Variants in EXTL3 observed in about 807,000 individuals in gnomAD.
EXTL3 encodes the protein exostosin like glycosyltransferase 3.
EXTL3 carries 27 observed loss-of-function variants against 69.3 expected under a neutral mutation model. The observed-to-expected ratio is 0.39, with a 90% CI of 0.29 to 0.54. The LOEUF (loss-of-function observed/expected upper bound fraction) is 0.54, where lower values mean the gene tolerates loss of function less well. Among genes scored for constraint, EXTL3 ranks in the 20% least tolerant of loss-of-function variants. The probability of loss-of-function intolerance (pLI) is 0.69; values close to 1 mark genes in which losing one functional copy is unlikely to be tolerated. For missense variants in EXTL3, 1,003 were observed against 1,231.8 expected (o/e 0.81, Z 2.78); for synonymous variants, 511 against 499.4 (o/e 1.02, Z -0.31).
chr8:28,609,916 AAAG>A (rs1052796976), intron 2 of EXTL3, among the ~76,000 whole-genome samples: 2 of 150,654 alleles, frequency 1.3e-5, no homozygotes, highest in African/African-American at 4.9e-5. Flanking sequence ...AAAAAAAAAA[AAAG>A]CCAGATGCAG....
intron 4 of EXTL3, among the ~76,000 whole-genome samples, chr8:28,731,812 G>T (rs1399248073): frequency 6.6e-6 from 1 of 152,072 alleles, no homozygotes; most frequent in Non-Finnish European, 1.5e-5. Flanking sequence ...AAAAAGATTT[G>T]GGGGAAGGAG....
chr8:28,698,177 C>G (rs1193931079), upstream of EXTL3: 1 of 152,184 alleles, frequency 6.6e-6, no homozygotes, highest in African/African-American at 2.4e-5. Context: ...GTCTTGGAAA[C>G]TGTTGAATGT....
intron 4 of EXTL3, among the ~76,000 whole-genome samples, chr8:28,733,398 G>C (rs750323556): frequency 6.6e-6 from 1 of 151,680 alleles, no homozygotes. Flanking sequence ...GTGTATGTGT[G>C]TATATATACA....
chr8:28,682,900 G>C (rs932897461), intron 1 of EXTL3, among the ~76,000 whole-genome samples: 1 of 152,142 alleles, frequency 6.6e-6, no homozygotes, highest in Non-Finnish European at 1.5e-5. Context: ...CAGGTTTTGT[G>C]TTTAAGTCTT....
chr8:28,718,614 G>A (rs941533112), intron 3 of EXTL3, among the ~76,000 whole-genome samples: 11 of 152,200 alleles, frequency 7.2e-5, no homozygotes, highest in Admixed American at 5.9e-4. Flanking sequence ...TTATTCGTAT[G>A]GGAGCTGAAG....
Position 28,716,086 on chromosome 8 carries a change from T to A in EXTL3, c.27T>A (p.Asn9Lys), listed in dbSNP as rs769508161. 6.2e-7 allele frequency: 1 copy of A among 1,610,626 alleles called. No individual in the cohort carries two copies. The highest frequency in any genetic ancestry group is 8.5e-7 in the Non-Finnish European group (1 of 1,179,944). The change falls in exon 3 of 7, where the codon AAT (asparagine) becomes AAA (lysine). Residue 9 changes from asparagine to lysine, a missense_variant. By Grantham distance (94) the Asn-to-Lys change is moderately conservative. This residue lies in a region of EXTL3 where 742 missense variants were observed against 815.4 expected (regional missense o/e 0.91). Transcript: ENST00000220562. This position sits in a 1 kb window ranked among gnomAD's most constrained non-coding sequence, Gnocchi z 7.1. ...TGACAGGCTATACCATGCTGCGGAA[T>A]GGGGGCGCGGGGAACGGAGGTCAGA... MTGYTMLR[N>K]GGAGNGGQTC...
Position 28,713,509 on chromosome 8 carries a change from A to T in EXTL3, c.-517A>T. On this transcript the variant is annotated 5_prime_UTR_variant, in exon 2 of 7. An upstream start codon of the reference 5' UTR is lost. Coordinates refer to ENST00000220562, the MANE Select transcript of EXTL3 (RefSeq NM_001440.4). The stretch of plus-strand genomic sequence containing the variant: ...TCAAGAAGTCGTGTGCTGAGGTGTA[A>T]TGCTACACAAGTCAGAGGAAGGAAG... 1.4e-6 allele frequency: 1 copy of T among 702,286 alleles called. No homozygotes were observed. Among genetic ancestry groups the T allele is most frequent in the Non-Finnish European group, 2.6e-6 (1 of 384,932 alleles). The allele number at this position is 702,286 out of a possible 1,614,324, so 43.5% of individuals were successfully genotyped here.
rs1035328996 is a variant in EXTL3 at position 28,716,320 on chromosome 8, G to A, written c.261G>A (p.Glu87=). Residue 87 remains glutamate, a synonymous_variant, in exon 3 of 7, where the codon GAG becomes GAA. Coordinates refer to ENST00000220562, the MANE Select transcript of EXTL3 (RefSeq NM_001440.4). The surrounding 1 kb of genome is among the most constrained non-coding windows in gnomAD (Gnocchi z 7.1). ...KHVLDLCRIR[E]SVSEELLQLE... ...TGCTGGATCTGTGCCGCATCCGGGA[G>A]TCGGTGAGTGAAGAGCTCCTGCAGC... 2.5e-6 allele frequency: 4 copies of A among 1,614,210 alleles called. No individual in the cohort carries two copies. Among genetic ancestry groups the A allele is most frequent in the Non-Finnish European group, 3.4e-6 (4 of 1,180,042 alleles).
chr8:28,749,297 C>T (rs1483217596), intron 6 of EXTL3, among the ~76,000 whole-genome samples: 3 of 151,964 alleles, frequency 2.0e-5, no homozygotes, highest in Non-Finnish European at 4.4e-5. Flanking sequence ...CATAAAAAAG[C>T]AACAAATCAC....
chr8:28,635,293 C>T (rs28525375), intron 1 of EXTL3, among the ~76,000 whole-genome samples: 31,924 of 150,488 alleles, frequency 0.21, 4,017 homozygotes, highest in Non-Finnish European at 0.28. Context: ...AATGGTGGCA[C>T]ACACTTGTAG....
rs565517572 is a variant in EXTL3, at chr8:28,702,360, G to C, written c.-570+701G>C. The stretch of plus-strand genomic sequence containing the variant: ...GCTGGACCGGACAGGGGTGCGCGGG[G>C]CGTGTGTGCGCGGCGGAGCTCCGAG... On this transcript the variant is annotated intron_variant, in intron 1 of 6. Coordinates refer to ENST00000220562, the MANE Select transcript of EXTL3 (RefSeq NM_001440.4). 2.6e-5 allele frequency among the ~76,000 whole-genome samples: 4 copies of C among 152,346 alleles called. No homozygotes were observed. The South Asian group carries it at 8.3e-4, about 32-fold the overall frequency.
chr8:28,739,819 A>G (rs1036704497), intron 5 of EXTL3: 1 of 152,184 alleles, frequency 6.6e-6, no homozygotes, highest in Non-Finnish European at 1.5e-5. Context: ...GGTGTCAGCA[A>G]CTGGCCAAGA....
At chr8:28,655,745 C>T (rs1265644564) in intron 1 of EXTL3, among the ~76,000 whole-genome samples, 2 of 152,150 alleles carry the variant, frequency 1.3e-5, no homozygotes, top group African/African-American at 2.4e-5. Context: ...CCACCAGCCT[C>T]GGCCTCCCAA....
At chr8:28,665,022 A>C (rs1315426120) in intron 1 of EXTL3, among the ~76,000 whole-genome samples, 1 of 56,668 alleles carries the variant, frequency 1.8e-5, no homozygotes, top group Admixed American at 1.6e-4. Flanking sequence ...ACATTTACCT[A>C]TTTTTGTCTG....
chr8:28,627,361 G>A (rs942169854), intron 1 of EXTL3, among the ~76,000 whole-genome samples: 9 of 151,832 alleles, frequency 5.9e-5, no homozygotes, highest in African/African-American at 1.9e-4. Flanking sequence ...ATGGTTGTGC[G>A]TGCATCTGTT....
chr8:28,684,617 C>T (rs1807546977), intron 1 of EXTL3, among the ~76,000 whole-genome samples: 1 of 152,010 alleles, frequency 6.6e-6, no homozygotes, highest in Non-Finnish European at 1.5e-5. Context: ...TGGTACATGG[C>T]TGTAGTCCCA....
intron 6 of EXTL3, among the ~76,000 whole-genome samples, chr8:28,745,306 G>T (rs7001199): frequency 6.6e-6 from 1 of 152,190 alleles, no homozygotes; most frequent in Non-Finnish European, 1.5e-5. Flanking sequence ...TGGCCCCTGC[G>T]TAGGATGTCA....
upstream of EXTL3, among the ~76,000 whole-genome samples, chr8:28,619,544 C>T (rs1475555209): frequency 2.6e-5 from 4 of 152,200 alleles, no homozygotes; most frequent in African/African-American, 9.6e-5. Flanking sequence ...CAGCTCCCCT[C>T]TCCCACTGCT....
intron 1 of EXTL3, among the ~76,000 whole-genome samples, chr8:28,687,247 C>G (rs1483565125): frequency 6.6e-6 from 1 of 152,228 alleles, no homozygotes; most frequent in Non-Finnish European, 1.5e-5. Context: ...GGATGGATCA[C>G]TTGAGGTCAG....
Sources: gnomAD v4.1 joint callset for allele counts (sites outside exome capture counted in the v4.1 genomes callset) on GRCh38, gnomAD v4.1.1 for gene constraint, gnomAD v4.1.1 regional missense constraint, Gnocchi (gnomAD v3.1) non-coding constraint, MANE v1.5 for transcripts, NCBI Gene and HGNC (gene_info 2026-07-23, HGNC 2026-07-21) for gene names.